RGS6: variants seen among roughly 807,000 people sequenced by gnomAD.
The protein encoded by RGS6 is regulator of G-protein signaling 6.
In RGS6, 30 loss-of-function variants were observed where a neutral mutation model predicts 78.5. The ratio of observed to expected loss-of-function variants is 0.38; its 90% CI spans 0.29 to 0.52. The LOEUF (loss-of-function observed/expected upper bound fraction) is 0.52. Ranked by LOEUF, RGS6 falls within the 20% of genes least tolerant of loss-of-function variation. The probability of loss-of-function intolerance (pLI) is 0.85; values close to 1 mark genes in which losing one functional copy is unlikely to be tolerated. For synonymous variants in RGS6, 206 were observed against 206.0 expected (o/e 1.00, Z 0.00); for missense variants, 495 against 609.7 (o/e 0.81, Z 1.98).
chr14:72,112,972 G>T (rs1392213430), intron 2 of RGS6, among the ~76,000 whole-genome samples: 1 of 152,158 alleles, frequency 6.6e-6, no homozygotes, highest in Non-Finnish European at 1.5e-5. Context: ...TTCTCTTATG[G>T]GTTGTCCCAC....
chr14:72,061,491 G>C (rs1301083552), intron 2 of RGS6, among the ~76,000 whole-genome samples: 3 of 152,072 alleles, frequency 2.0e-5, no homozygotes, highest in African/African-American at 7.2e-5. Flanking sequence ...CCACATTACT[G>C]AACAAGAGAC....
At chr14:72,089,724 G>A (rs1018973321) in intron 2 of RGS6, among the ~76,000 whole-genome samples, 4 of 152,212 alleles carry the variant, frequency 2.6e-5, no homozygotes, top group African/African-American at 9.7e-5. Context: ...TTGAGGGAGA[G>A]CCGCATGGCA....
intron 2 of RGS6, among the ~76,000 whole-genome samples, chr14:72,307,086 TC>T: frequency 6.6e-6 from 1 of 152,290 alleles, no homozygotes. Flanking sequence ...TCCTCATCAG[TC>T]AGCAGCCATC....
rs148348320 is a variant in RGS6, at chr14:72,052,925, T to C, written c.84+88050T>C. ...GCACATGTTCAGAGTTTCATTGTAT[T>C]TTTCTTTCTTTCTTTCTTTCTTTCT... On this transcript the variant is annotated intron_variant, in intron 2 of 17. Coordinates refer to ENST00000553525, the MANE Select transcript of RGS6 (RefSeq NM_001204424.2). 5.6e-4 allele frequency among the ~76,000 whole-genome samples: 67 copies of C among 120,404 alleles called. 1 individual carries two copies. The highest frequency in any genetic ancestry group is 1.6e-3 in the East Asian group (7 of 4,264). The allele number at this position is 120,404 out of a possible 152,430, so 79.0% of individuals were successfully genotyped here.
In RGS6 at chr14:72,383,205, T is replaced by TAC. The variant is rs1566684245; in HGVS notation, c.184+31012_184+31013insCA. ...ATATATATATATATATATATATATA[T>TAC]ATATATATACACACAAACACACTAG... On this transcript the variant is annotated intron_variant, in intron 3 of 17. Coordinates refer to ENST00000553525, the MANE Select transcript of RGS6 (RefSeq NM_001204424.2). 3.6e-3 allele frequency among the ~76,000 whole-genome samples: 433 copies of TAC among 119,186 alleles called. 7 individuals carry two copies. The highest frequency in any genetic ancestry group is 0.014 in the African/African-American group (408 of 29,598). 78.2% of individuals were successfully genotyped at this position (119,186 alleles called of 152,430 possible). A position where few individuals can be genotyped will look rare whatever the true frequency, so the allele number is the denominator to read the frequency against.
At chr14:72,150,035 C>T (rs1378861259) in intron 2 of RGS6, among the ~76,000 whole-genome samples, 2 of 152,126 alleles carry the variant, frequency 1.3e-5, no homozygotes, top group African/African-American at 4.8e-5. Flanking sequence ...AATAGTGTTC[C>T]TCCCAAATTC....
chr14:72,058,523 A>C (rs1219133070), intron 2 of RGS6, among the ~76,000 whole-genome samples: 4 of 150,018 alleles, frequency 2.7e-5, no homozygotes, highest in South Asian at 2.1e-4. Context: ...TTTTTTGTCT[A>C]CTGTTATTTA....
intron 2 of RGS6, among the ~76,000 whole-genome samples, chr14:72,118,378 A>G (rs1033480392): frequency 2.0e-5 from 3 of 152,130 alleles, no homozygotes; most frequent in Non-Finnish European, 2.9e-5. Flanking sequence ...CCATGCCTTC[A>G]TAAGGTTTTA....
At chr14:72,148,603 A>G (rs556101166) in intron 2 of RGS6, among the ~76,000 whole-genome samples, 4 of 152,134 alleles carry the variant, frequency 2.6e-5, no homozygotes, top group Admixed American at 1.3e-4. Context: ...AGAGATATGG[A>G]TGAGTTCTAG....
At chr14:72,484,644 T>C (rs2096454236) in intron 12 of RGS6, among the ~76,000 whole-genome samples, 1 of 152,188 alleles carries the variant, frequency 6.6e-6, no homozygotes, top group South Asian at 2.1e-4. Context: ...TTTTCTCAAG[T>C]GGTTGGACTG....
intron 1 of RGS6, among the ~76,000 whole-genome samples, chr14:71,944,996 A>G (rs2091290888): frequency 6.6e-6 from 1 of 152,232 alleles, no homozygotes; most frequent in Non-Finnish European, 1.5e-5. Context: ...AGATACAGTA[A>G]CAATATGGTG....
At chr14:72,127,867 T>C (rs2096236725) in intron 2 of RGS6, among the ~76,000 whole-genome samples, 1 of 152,216 alleles carries the variant, frequency 6.6e-6, no homozygotes, top group Non-Finnish European at 1.5e-5. Context: ...CCTAATTTGT[T>C]CTCTGTTTCT....
At chr14:72,592,842 T>C in the RGS6 span, among the ~76,000 whole-genome samples, 1 of 152,200 alleles carries the variant, frequency 6.6e-6, no homozygotes, top group Non-Finnish European at 1.5e-5. Context: ...GGAAGAAAGA[T>C]GTTTCTGCAG....
chr14:72,277,625 A>C (rs1445009819), intron 2 of RGS6, among the ~76,000 whole-genome samples: 1 of 151,774 alleles, frequency 6.6e-6, no homozygotes, highest in African/African-American at 2.4e-5. Context: ...TTTAAATTTA[A>C]AAATCTCTAC....
intron 17 of RGS6, chr14:72,550,650 T>C (rs922038050): frequency 6.7e-6 from 10 of 1,496,156 alleles, no homozygotes; most frequent in Non-Finnish European, 8.9e-6. Context: ...TCCATAATTC[T>C]AAATAATTAA....
At position 72,045,302 on chromosome 14, in the gene RGS6, C is replaced by T. The variant is rs1018641102; in HGVS notation, c.84+80427C>T. Among the ~76,000 whole-genome samples, 14 of 152,226 alleles carry T rather than the reference C, an allele frequency of 9.2e-5. No homozygotes were observed. The South Asian group carries it at 1.2e-3, about 14-fold the overall frequency. On this transcript the variant is annotated intron_variant, in intron 2 of 17. Coordinates refer to ENST00000553525, the MANE Select transcript of RGS6 (RefSeq NM_001204424.2). Reference sequence around the variant, plus strand: ...TTGTTTTTTCTTGCCTTTTAGCATGCCTTGTAATTTTCATTGAAAGCTGAA... The same window carrying T: ...TTGTTTTTTCTTGCCTTTTAGCATGTCTTGTAATTTTCATTGAAAGCTGAA...
chr14:72,323,086 C>A (rs1272803085), intron 2 of RGS6, among the ~76,000 whole-genome samples: 1 of 151,858 alleles, frequency 6.6e-6, no homozygotes, highest in African/African-American at 2.4e-5. Flanking sequence ...GTAATTTTAA[C>A]CAGGAGTTAA....
intron 2 of RGS6, among the ~76,000 whole-genome samples, chr14:72,273,039 C>G (rs997930493): frequency 6.6e-5 from 10 of 150,956 alleles, no homozygotes; most frequent in African/African-American, 2.2e-4. Flanking sequence ...TCTCTTGAAC[C>G]TGGGAAGCTG....
chr14:72,172,396 AC>A (rs1217834770), intron 2 of RGS6, among the ~76,000 whole-genome samples: 24 of 152,006 alleles, frequency 1.6e-4, no homozygotes, highest in Non-Finnish European at 3.5e-4. Context: ...TTGGGGGATT[AC>A]AAAAATTAGG....
Sources: gnomAD v4.1 joint callset for allele counts (sites outside exome capture counted in the v4.1 genomes callset) on GRCh38, gnomAD v4.1.1 for gene constraint, MANE v1.5 for transcripts, NCBI Gene and HGNC (gene_info 2026-07-23, HGNC 2026-07-21) for gene names.